Variants in LPIN1 observed in about 807,000 individuals in gnomAD.
LPIN1 encodes phosphatidate phosphatase LPIN1.
A neutral mutation model predicts 107.5 loss-of-function variants in LPIN1; 71 were observed. The ratio of observed to expected loss-of-function variants is 0.66; its 90% CI spans 0.55 to 0.80. The LOEUF (loss-of-function observed/expected upper bound fraction) is 0.80. LPIN1 is among the 30% of genes least tolerant of loss of function. The probability of loss-of-function intolerance (pLI) is 0.00; values close to 1 mark genes in which losing one functional copy is unlikely to be tolerated. For missense variants in LPIN1, 1,043 were observed against 1,160.6 expected (o/e 0.90, Z 1.47); for synonymous variants, 445 against 452.6 (o/e 0.98, Z 0.21).
intron 1 of LPIN1, among the ~76,000 whole-genome samples, chr2:11,750,102 T>TC (rs1479153394): frequency 6.7e-6 from 1 of 150,106 alleles, no homozygotes; most frequent in African/African-American, 2.5e-5. Context: ...CCGGCCTCGC[T>TC]CCCTGGAAGC....
chr2:11,781,194 G>T (rs979838033), intron 7 of LPIN1, among the ~76,000 whole-genome samples: 1 of 152,208 alleles, frequency 6.6e-6, no homozygotes, highest in African/African-American at 2.4e-5. Context: ...TTTTTGGAGA[G>T]TAGTCTGTTG....
rs1334441555 is a variant in LPIN1, at chr2:11,795,403, T to G, written c.1807-5T>G. ...TCTGTGACTCTTTCTTTTCTTCTTTTCTAGGAAAGTAAGCCAGAGCAGTGC... is the reference window on the plus strand; with the variant it reads ...TCTGTGACTCTTTCTTTTCTTCTTTGCTAGGAAAGTAAGCCAGAGCAGTGC... On this transcript the variant is annotated splice_region_variant and splice_polypyrimidine_tract_variant and intron_variant, in intron 13 of 20. Transcript: ENST00000674199. The G allele has an allele frequency of 5.0e-6, 8 of 1,613,208 alleles. No individual in the cohort carries two copies. Among genetic ancestry groups the G allele is most frequent in the Non-Finnish European group, 6.8e-6 (8 of 1,179,392 alleles).
chr2:11,732,582 A>C (rs1665346216), intron 1 of LPIN1, among the ~76,000 whole-genome samples: 1 of 152,178 alleles, frequency 6.6e-6, no homozygotes, highest in Non-Finnish European at 1.5e-5. Context: ...AGGGTTTGGA[A>C]ATACCTATTC....
At chr2:11,819,400 G>A in intron 18 of LPIN1, 84 bp from the exon 19 acceptor site, 2 of 902,292 alleles carry the variant, frequency 2.2e-6, no homozygotes, top group Admixed American at 1.7e-5. Context: ...TCTCAGTGTT[G>A]CGGCAGCTTT....
chr2:11,761,443 G>A (rs1386363620), intron 1 of LPIN1, among the ~76,000 whole-genome samples: 1 of 152,200 alleles, frequency 6.6e-6, no homozygotes, highest in Non-Finnish European at 1.5e-5. Context: ...TGAAAAGGAA[G>A]GCAGATGTGT....
chr2:11,808,437 GA>G (rs1679086251), intron 17 of LPIN1, among the ~76,000 whole-genome samples: 1 of 152,198 alleles, frequency 6.6e-6, no homozygotes, highest in South Asian at 2.1e-4. Flanking sequence ...GATTTCTAGA[GA>G]AACAGAGAAA....
At chr2:11,823,926 C>G (rs1362834930) in intron 20 of LPIN1, among the ~76,000 whole-genome samples, 1 of 152,128 alleles carries the variant, frequency 6.6e-6, no homozygotes, top group Non-Finnish European at 1.5e-5. Context: ...TTACAGCAAG[C>G]AGGAGAGCCC....
intron 1 of LPIN1, among the ~76,000 whole-genome samples, chr2:11,758,741 C>T (rs1270337764): frequency 6.6e-6 from 1 of 152,232 alleles, no homozygotes; most frequent in Non-Finnish European, 1.5e-5. Context: ...TATCAAAGCA[C>T]CTTCTGATTC....
intron 19 of LPIN1, among the ~76,000 whole-genome samples, chr2:11,819,998 C>T (rs752611671): frequency 1.3e-5 from 2 of 152,176 alleles, no homozygotes; most frequent in East Asian, 1.9e-4. Context: ...ATGAAAGAAG[C>T]GCTTTGAGAT....
chr2:11,748,673 C>G (rs1252556962), intron 1 of LPIN1, among the ~76,000 whole-genome samples: 2 of 152,184 alleles, frequency 1.3e-5, no homozygotes, highest in Admixed American at 6.5e-5. Context: ...ACCCCCTCCC[C>G]CTGCCTGCCA....
chr2:11,760,110 T>C (rs1271237222), intron 1 of LPIN1, among the ~76,000 whole-genome samples: 2 of 142,296 alleles, frequency 1.4e-5, no homozygotes, highest in African/African-American at 2.7e-5. Flanking sequence ...GCTCCCCACA[T>C]CTCAGACGAT....
Position 11,761,079 on chromosome 2 carries a change from A to G in LPIN1, c.-9-4454A>G, listed in dbSNP as rs74508279. Among the ~76,000 whole-genome samples, 462 of 152,332 alleles carry G rather than the reference A, an allele frequency of 3.0e-3. 4 individuals carry two copies. The highest frequency in any genetic ancestry group is 0.011 in the African/African-American group (450 of 41,576). On this transcript the variant is annotated intron_variant, in intron 1 of 20. Transcript: ENST00000674199. ...CTGGTTTTACCATCTGAAAGGCTGC[A>G]TTCCTACAGGGTTTTGTGACAGTCA...
intron 16 of LPIN1, 39 bp from the exon 17 acceptor site, chr2:11,805,031 G>A (rs1678422769): frequency 7.8e-7 from 1 of 1,280,352 alleles, no homozygotes; most frequent in Non-Finnish European, 1.1e-6. Context: ...AATCTGAAAG[G>A]GATTTTTACT....
chr2:11,747,377 T>C (rs1667125895), intron 1 of LPIN1, among the ~76,000 whole-genome samples: 1 of 152,160 alleles, frequency 6.6e-6, no homozygotes, highest in Admixed American at 6.5e-5. Flanking sequence ...AAGTAACGTT[T>C]TGGGAGTAAC....
Position 11,693,788 on chromosome 2 carries a change from G to GTATATA in LPIN1, c.81+16090_81+16095dup, listed in dbSNP as rs869167624. 1.0e-3 allele frequency among the ~76,000 whole-genome samples: 43 copies of GTATATA among 40,992 alleles called. 1 individual carries two copies. Among genetic ancestry groups the GTATATA allele is most frequent in the African/African-American group, 3.8e-3 (40 of 10,660 alleles). The allele number at this position is 40,992 out of a possible 152,430, so 26.9% of individuals were successfully genotyped here. On this transcript the variant is annotated intron_variant, in intron 1 of 21. Coordinates refer to the LPIN1 transcript ENST00000449576. ...GCCATATATGTGTGTGTGTGAGTGT[G>GTATATA]TATATATATATATATATATATATAT...
chr2:11,752,723 G>A (rs1668049969), intron 1 of LPIN1, among the ~76,000 whole-genome samples: 1 of 152,022 alleles, frequency 6.6e-6, no homozygotes, highest in African/African-American at 2.4e-5. Flanking sequence ...GAGCCACCGC[G>A]CCCGGCCTCC....
rs1458908847 is a variant in LPIN1 at position 11,765,262 on chromosome 2, CTGATGGGCCG to C, written c.-9-264_-9-255del. Among the ~76,000 whole-genome samples the C allele has an allele frequency of 4.2e-5, 6 of 144,442 alleles. No individual in the cohort carries two copies. The South Asian group carries it at 6.7e-4, about 16-fold the overall frequency. 94.8% of individuals were successfully genotyped at this position (144,442 alleles called of 152,430 possible). On this transcript the variant is annotated intron_variant, in intron 1 of 20. Transcript: ENST00000674199. The surrounding 1 kb of genome is among the most constrained non-coding windows in gnomAD (Gnocchi z 4.4). ...GGGCCCTGATGGACCCTGATGGACC[CTGATGGGCCG>C]TGATGGACCCTGATGGGCTGTGATG...
intron 2 of LPIN1, among the ~76,000 whole-genome samples, chr2:11,766,667 T>C (rs903189829): frequency 6.6e-6 from 1 of 152,142 alleles, no homozygotes; most frequent in African/African-American, 2.4e-5. Context: ...TTCTGGTGTC[T>C]AACATCAAAG....
Position 11,793,909 on chromosome 2 carries a change from AGG to A in LPIN1, c.1807-1496_1807-1495del, listed in dbSNP as rs200009268. Among the ~76,000 whole-genome samples the A allele has an allele frequency of 3.9e-3, 595 of 152,336 alleles. 2 individuals are homozygous for A. The highest frequency in any genetic ancestry group is 0.01 in the African/African-American group (430 of 41,574). ...TTGGTCTCCATATTGGACCCAGAGT[AGG>A]GGTTCAGCAAATATTTGTTGAGGGC... On this transcript the variant is annotated intron_variant, in intron 13 of 20. Coordinates refer to ENST00000674199, the MANE Select transcript of LPIN1 (RefSeq NM_001349206.2).
Sources: gnomAD v4.1 joint callset for allele counts (sites outside exome capture counted in the v4.1 genomes callset) on GRCh38, gnomAD v4.1.1 for gene constraint, Gnocchi (gnomAD v3.1) non-coding constraint, MANE v1.5 for transcripts, NCBI Gene and HGNC (gene_info 2026-07-23, HGNC 2026-07-21) for gene names.